ZNF555: variants seen among roughly 807,000 people sequenced by gnomAD.
ZNF555 encodes zinc finger protein 555.
Under a neutral mutation model 14.0 loss-of-function variants are expected in ZNF555, and 10 were observed. The ratio of observed to expected loss-of-function variants is 0.72; its 90% confidence interval spans 0.44 to 1.21. The LOEUF is 1.21. Among genes scored for constraint, ZNF555 ranks in the 50% most tolerant of loss-of-function variants. ZNF555 has a pLI of 0.00. For missense variants in ZNF555, 747 were observed against 762.0 expected (o/e 0.98, Z 0.23); for synonymous variants, 277 against 262.4 (o/e 1.06, Z -0.54).
intron 1 of ZNF555, 146 bp downstream of exon 1, chr19:2,841,721 GC>G (rs2087538296): frequency 2.1e-6 from 2 of 943,026 alleles, no homozygotes; most frequent in South Asian, 7.0e-5. Flanking sequence ...CGGGGGTCCC[GC>G]CCGGCCCCGC....
rs1184832009 is a variant in ZNF555, at chr19:2,856,679, G to A, written c.*2727G>A. ...AGGGCTGTGGCTTGTATCAGAGGGTGTTTAAAAGGATTTACTATCAGATTT... is the reference window on the plus strand; with the variant it reads ...AGGGCTGTGGCTTGTATCAGAGGGTATTTAAAAGGATTTACTATCAGATTT... On this transcript the variant is annotated 3_prime_UTR_variant, in exon 4 of 4. Coordinates refer to ENST00000334241, the MANE Select transcript of ZNF555 (RefSeq NM_152791.5). 1 of 152,206 alleles carries A rather than the reference G, an allele frequency of 6.6e-6. No individual in the cohort carries two copies. Among genetic ancestry groups the A allele is most frequent in the East Asian group, 1.9e-4 (1 of 5,208 alleles). 9.4% of individuals were successfully genotyped at this position (152,206 alleles called of 1,614,324 possible).
At chr19:2,851,299 AATT>A (rs2087628248) in intron 2 of ZNF555, among the ~76,000 whole-genome samples, 166 bp from the exon 3 acceptor site, 1 of 53,434 alleles carries the variant, frequency 1.9e-5, no homozygotes, top group Non-Finnish European at 4.0e-5. Context: ...CCTGGCCGTG[AATT>A]TTTTTTTTTA....
chr19:2,844,798 C>T (rs1450413076), intron 1 of ZNF555, among the ~76,000 whole-genome samples: 3 of 152,172 alleles, frequency 2.0e-5, no homozygotes, highest in South Asian at 4.1e-4. Flanking sequence ...GCTCTTCCTG[C>T]GTCCACCCCC....
chr19:2,846,320 C>T lies in ZNF555; in HGVS notation c.4-4267C>T, dbSNP rs114375170. ...AGCCAACCTGAATTCAGAGCACTCA[C>T]AGCTGCATGCAACACTTCCTTCAGG... On this transcript the variant is annotated intron_variant, in intron 1 of 3. Coordinates refer to ENST00000334241, the MANE Select transcript of ZNF555 (RefSeq NM_152791.5). Among the ~76,000 whole-genome samples the T allele has an allele frequency of 8.1e-3, 1,236 of 152,336 alleles. 15 individuals are homozygous for T. The highest frequency in any genetic ancestry group is 0.028 in the African/African-American group (1,175 of 41,568).
chr19:2,853,292 C>A lies in ZNF555; in HGVS notation c.1227C>A (p.Ser409=), dbSNP rs142451439. The A allele has an allele frequency of 1.8e-4, 289 of 1,613,010 alleles. No homozygotes were observed. The highest frequency in any genetic ancestry group is 2.2e-4 in the Non-Finnish European group (264 of 1,179,752). ...NQCGKAFSHP[S]SFRGHMRVHT... is the part of the protein sequence containing the mutation. Reference sequence around the variant, plus strand: ...GCGGGAAAGCATTCAGTCACCCCTCCTCCTTTCGAGGACACATGAGGGTGC... The same window carrying A: ...GCGGGAAAGCATTCAGTCACCCCTCATCCTTTCGAGGACACATGAGGGTGC... Residue 409 remains serine, a synonymous_variant, in exon 4 of 4, where the codon TCC becomes TCA. Transcript: ENST00000334241.
intron 1 of ZNF555, among the ~76,000 whole-genome samples, chr19:2,849,950 G>T (rs767601305): frequency 2.0e-5 from 3 of 152,152 alleles, no homozygotes; most frequent in African/African-American, 7.2e-5. Context: ...ACTGAGGCTC[G>T]AAGTATAGGG....
In ZNF555 at chr19:2,841,625, G is replaced by A. The variant is rs747526373; in HGVS notation, c.3+50G>A. On this transcript the variant is annotated intron_variant, in intron 1 of 3. Coordinates refer to ENST00000334241, the MANE Select transcript of ZNF555 (RefSeq NM_152791.5). The stretch of plus-strand genomic sequence containing the variant: ...CCGGTGCGGGGCAGCAGGAACCGGC[G>A]ACCGCCCGAGACCGCGGCTTGGGGG... The A allele has an allele frequency of 2.4e-5, 34 of 1,431,612 alleles. No individual in the cohort carries two copies. In the African/African-American group the frequency reaches 4.1e-4, roughly 17 times the overall value. The allele number at this position is 1,431,612 out of a possible 1,614,324, so 88.7% of individuals were successfully genotyped here. A position where few individuals can be genotyped will look rare whatever the true frequency, so the allele number is the denominator to read the frequency against.
intron 1 of ZNF555, among the ~76,000 whole-genome samples, chr19:2,849,539 C>T (rs186800709): frequency 6.7e-6 from 1 of 148,412 alleles, no homozygotes; most frequent in East Asian, 2.0e-4. Context: ...GGCTGGAGTG[C>T]AGTGGCATGA....
intron 2 of ZNF555, 102 bp from the exon 3 acceptor site, chr19:2,851,366 A>C: frequency 1.1e-6 from 1 of 888,884 alleles, no homozygotes; most frequent in Non-Finnish European, 1.7e-6. Flanking sequence ...TACCTTTTTG[A>C]CCATTTTGTG....
Position 2,853,551 on chromosome 19 carries a change from C to A in ZNF555, c.1486C>A (p.Gln496Lys), listed in dbSNP as rs1381913280. ...GKAFYCHISL[Q>K]KHMRRHTAEK... Reference sequence around the variant, plus strand: ...AGCTTTCTATTGCCACATATCCTTACAAAAACATATGAGAAGACATACCGC... The same window carrying A: ...AGCTTTCTATTGCCACATATCCTTAAAAAAACATATGAGAAGACATACCGC... The change falls in exon 4 of 4, where the codon CAA (glutamine) becomes AAA (lysine). Residue 496 changes from glutamine to lysine, a missense_variant. Coordinates refer to ENST00000334241, the MANE Select transcript of ZNF555 (RefSeq NM_152791.5). The A allele has an allele frequency of 6.2e-6, 10 of 1,610,758 alleles. No individual in the cohort carries two copies. Among genetic ancestry groups the A allele is most frequent in the Admixed American group, 1.7e-5 (1 of 59,830 alleles).
At position 2,852,964 on chromosome 19, in the gene ZNF555, G is replaced by A. The variant is rs769535227; in HGVS notation, c.899G>A (p.Arg300Gln). 77 of 1,614,064 alleles carry A rather than the reference G, an allele frequency of 4.8e-5. No homozygotes were observed. The highest frequency in any genetic ancestry group is 5.1e-5 in the Non-Finnish European group (60 of 1,180,040). ...AEAFSYSSTF[R>Q]RHMISHTGEK... Reference sequence around the variant, plus strand: ...GCCTTTAGTTATTCCTCAACTTTTCGAAGACATATGATTTCACACACTGGA... The same window carrying A: ...GCCTTTAGTTATTCCTCAACTTTTCAAAGACATATGATTTCACACACTGGA... Residue 300 changes from arginine to glutamine, a missense_variant, in exon 4 of 4, where the codon CGA becomes CAA. Arg to Gln is a conservative substitution (Grantham distance 43). Transcript: ENST00000334241.
At chr19:2,841,937 C>T (rs2087540467) in intron 1 of ZNF555, among the ~76,000 whole-genome samples, 1 of 151,796 alleles carries the variant, frequency 6.6e-6, no homozygotes, top group Admixed American at 6.6e-5. Flanking sequence ...CTTCGGGACC[C>T]CCGGGCCGCG....
intron 2 of ZNF555, 24 bp from the exon 3 acceptor site, chr19:2,851,444 G>A: frequency 6.5e-7 from 1 of 1,548,676 alleles, no homozygotes; most frequent in South Asian, 1.2e-5. Flanking sequence ...CTTCTTATAT[G>A]ATTTGTTTAC....
In ZNF555 at chr19:2,852,485, A is replaced by G; in HGVS notation, c.420A>G (p.Val140=). 1.2e-6 allele frequency: 2 copies of G among 1,614,162 alleles called. No homozygotes were observed. Among genetic ancestry groups the G allele is most frequent in the African/African-American group, 1.3e-5 (1 of 75,068 alleles). Residue 140 remains valine (V), a synonymous_variant, in exon 4 of 4, where the codon GTA becomes GTG. Coordinates refer to ENST00000334241, the MANE Select transcript of ZNF555 (RefSeq NM_152791.5). The part of the protein sequence containing the change: ...LNLYKKIPPG[V]KQYEYNTYGK... ...TGTACAAGAAAATTCCACCTGGAGT[A>G]AAACAGTATGAATACAACACGTACG...
At chr19:2,848,128 A>C (rs970182659) in intron 1 of ZNF555, among the ~76,000 whole-genome samples, 2 of 151,678 alleles carry the variant, frequency 1.3e-5, no homozygotes, top group East Asian at 2.0e-4. Context: ...AGAAAACAAA[A>C]ACCAAACGCT....
chr19:2,858,632 T>C lies in ZNF555; in HGVS notation c.*4680T>C, dbSNP rs1167103697. 6.6e-6 allele frequency: 1 copy of C among 152,234 alleles called. No individual in the cohort carries two copies. The highest frequency in any genetic ancestry group is 1.5e-5 in the Non-Finnish European group (1 of 68,092). 9.4% of individuals were successfully genotyped at this position (152,234 alleles called of 1,614,324 possible). A position where few individuals can be genotyped will look rare whatever the true frequency, so the allele number is the denominator to read the frequency against. ...TCTTTATGGATCCCCAAACTCCTCT[T>C]GCTGTTGGGAACACGTGGCAGCCCT... On this transcript the variant is annotated 3_prime_UTR_variant, in exon 4 of 4. Coordinates refer to ENST00000334241, the MANE Select transcript of ZNF555 (RefSeq NM_152791.5).
Position 2,851,458 on chromosome 19 carries a change from T to A in ZNF555, c.131-10T>A, listed in dbSNP as rs751686679. On this transcript the variant is annotated splice_polypyrimidine_tract_variant and intron_variant, in intron 2 of 3. Transcript: ENST00000334241. ...CCTTCTTATATGATTTGTTTACTTTTTGGTTTCAGATGATGAAACTCAATT... is the reference window on the plus strand; with the variant it reads ...CCTTCTTATATGATTTGTTTACTTTATGGTTTCAGATGATGAAACTCAATT... 2.6e-6 allele frequency: 4 copies of A among 1,564,338 alleles called. No individual in the cohort carries two copies. The highest frequency in any genetic ancestry group is 3.4e-6 in the Non-Finnish European group (4 of 1,159,434).
At position 2,857,058 on chromosome 19, in the gene ZNF555, G is replaced by C. The variant is rs2087689061; in HGVS notation, c.*3106G>C. On this transcript the variant is annotated 3_prime_UTR_variant, in exon 4 of 4. Transcript: ENST00000334241. Reference sequence around the variant, plus strand: ...CAAAAGCCTATTTAAGTTTTCTCAGGTATCATTTCAACCTCTGAACTTCCA... The same window carrying C: ...CAAAAGCCTATTTAAGTTTTCTCAGCTATCATTTCAACCTCTGAACTTCCA... 1 of 152,174 alleles carries C rather than the reference G, an allele frequency of 6.6e-6. No individual in the cohort carries two copies. The highest frequency in any genetic ancestry group is 6.5e-5 in the Admixed American group (1 of 15,278). The allele number at this position is 152,174 out of a possible 1,614,324, so 9.4% of individuals were successfully genotyped here.
At chr19:2,850,398 G>C (rs921247473) in intron 1 of ZNF555, among the ~76,000 whole-genome samples, 189 bp from the exon 2 acceptor site, 1 of 152,208 alleles carries the variant, frequency 6.6e-6, no homozygotes, top group Non-Finnish European at 1.5e-5. Flanking sequence ...GAGAAATTCA[G>C]TGTGTTAATG....
Sources: gnomAD v4.1 joint callset for allele counts (sites outside exome capture counted in the v4.1 genomes callset) on GRCh38, gnomAD v4.1.1 for gene constraint, MANE v1.5 for transcripts, NCBI Gene and HGNC (gene_info 2026-07-23, HGNC 2026-07-21) for gene names.